The following NRXN1 variants were observed in gnomAD, a reference collection of about 807,000 sequenced individuals.
NRXN1 encodes the protein neurexin 1, also known as neurexin-1.
Under a neutral mutation model 150.9 loss-of-function variants are expected in NRXN1, and 39 were observed. That is an observed-to-expected ratio of 0.26 (90% CI 0.20 to 0.34). The LOEUF is 0.34. Among genes scored for constraint, NRXN1 ranks in the 10% least tolerant of loss-of-function variants. The pLI, the probability that NRXN1 is intolerant of heterozygous loss-of-function variation, is 1.00. For missense variants in NRXN1, 1,815 were observed against 1,949.9 expected (o/e 0.93, Z 1.30); for synonymous variants, 924 against 757.0 (o/e 1.22, Z -3.62).
chr2:50,579,142 C>T (rs1457498576), intron 8 of NRXN1, among the ~76,000 whole-genome samples: 1 of 152,096 alleles, frequency 6.6e-6, no homozygotes, highest in African/African-American at 2.4e-5. Context: ...GTGGGTAGAG[C>T]GAAATGAGGC....
intron 5 of NRXN1, among the ~76,000 whole-genome samples, chr2:50,903,497 G>GT (rs759662827): frequency 6.6e-6 from 1 of 151,984 alleles, no homozygotes; most frequent in African/African-American, 2.4e-5. Flanking sequence ...TGGGGGAGGT[G>GT]TTTTTTTGTT....
intron 5 of NRXN1, among the ~76,000 whole-genome samples, chr2:50,651,517 GACATA>G (rs1311029032): frequency 1.0e-3 from 141 of 134,638 alleles, no homozygotes; most frequent in Middle Eastern, 4.1e-3. Flanking sequence ...GACATAACAT[GACATA>G]ACATAACATA....
chr2:50,863,843 T>C (rs779941667), intron 5 of NRXN1, among the ~76,000 whole-genome samples: 12 of 151,974 alleles, frequency 7.9e-5, no homozygotes, highest in African/African-American at 2.2e-4. Context: ...TTTTGAGACA[T>C]AGGGCCTATG....
chr2:50,542,747 G>A (rs1053166742), intron 9 of NRXN1, among the ~76,000 whole-genome samples: 1 of 152,104 alleles, frequency 6.6e-6, no homozygotes, highest in Non-Finnish European at 1.5e-5. Flanking sequence ...GCCTAAACAT[G>A]TGTCCTGAAA....
intron 17 of NRXN1, among the ~76,000 whole-genome samples, chr2:50,308,868 A>G (rs1470054335): frequency 6.6e-6 from 1 of 152,154 alleles, no homozygotes; most frequent in Non-Finnish European, 1.5e-5. Context: ...TGACCTTTAA[A>G]TGGGTTAATT....
At chr2:50,219,975 AATAT>A (rs1421348207) in intron 18 of NRXN1, among the ~76,000 whole-genome samples, 2 of 25,754 alleles carry the variant, frequency 7.8e-5, no homozygotes, top group Non-Finnish European at 1.4e-4. Flanking sequence ...ATATATATAT[AATAT>A]ATATATTATA....
chr2:50,203,678 T>A (rs757484835), intron 18 of NRXN1, among the ~76,000 whole-genome samples: 24 of 152,190 alleles, frequency 1.6e-4, no homozygotes, highest in Non-Finnish European at 2.9e-4. Flanking sequence ...TAACTCTGTG[T>A]CTCAGCTTTG....
intron 18 of NRXN1, among the ~76,000 whole-genome samples, chr2:50,145,528 A>C (rs778855212): frequency 5.3e-5 from 8 of 151,612 alleles, no homozygotes; most frequent in Non-Finnish European, 7.4e-5. Context: ...TCTTCACGCT[A>C]TCTCCCCCTC....
intron 17 of NRXN1, among the ~76,000 whole-genome samples, chr2:50,327,983 C>A (rs953478864): frequency 1.3e-5 from 2 of 152,022 alleles, no homozygotes; most frequent in Non-Finnish European, 2.9e-5. Flanking sequence ...TATTTTTCTT[C>A]TTTTTCTTAT....
At chr2:50,071,264 G>A (rs1696256334) in intron 19 of NRXN1, among the ~76,000 whole-genome samples, 2 of 152,142 alleles carry the variant, frequency 1.3e-5, no homozygotes, top group South Asian at 4.1e-4. Flanking sequence ...TAAGCAGTTT[G>A]TTGGTAATCG....
chr2:50,418,694 G>C (rs1558697243), intron 17 of NRXN1, among the ~76,000 whole-genome samples: 1 of 151,930 alleles, frequency 6.6e-6, no homozygotes, highest in Non-Finnish European at 1.5e-5. Context: ...CAGGGATCAA[G>C]GGAAATACAA....
chr2:50,595,019 C>G (rs910742148), intron 8 of NRXN1, among the ~76,000 whole-genome samples: 2 of 149,098 alleles, frequency 1.3e-5, no homozygotes, highest in African/African-American at 4.9e-5. Context: ...AAAAAACAAG[C>G]AAAACAATAG....
At chr2:50,655,216 CCT>C (rs1438878618) in intron 5 of NRXN1, among the ~76,000 whole-genome samples, 1 of 151,620 alleles carries the variant, frequency 6.6e-6, no homozygotes, top group Non-Finnish European at 1.5e-5. Context: ...GCTCTATTTC[CCT>C]TTACTTTTCC....
chr2:50,538,539 T>G lies in NRXN1; in HGVS notation c.1857A>C (p.Pro619=). The change falls in exon 10 of 23, where the codon CCA becomes CCC. Residue 619 remains proline, a synonymous_variant. Coordinates refer to ENST00000401669, the MANE Select transcript of NRXN1 (RefSeq NM_001330078.2). ...LDDELYLGGL[P]ENKAGLVFPT... ...GGAAGACAAGGCCAGCTTTATTTTCTGGCAGCCCCCCCAGGTACAACTCAT... is the reference window on the plus strand; with the variant it reads ...GGAAGACAAGGCCAGCTTTATTTTCGGGCAGCCCCCCCAGGTACAACTCAT... 2 of 1,590,470 alleles carry G rather than the reference T, an allele frequency of 1.3e-6. No individual in the cohort carries two copies. Among genetic ancestry groups the G allele is most frequent in the South Asian group, 2.3e-5 (2 of 86,856 alleles).
At chr2:50,630,982 A>C (rs1181569120) in intron 5 of NRXN1, 3 of 373,252 alleles carry the variant, frequency 8.0e-6, no homozygotes, top group Non-Finnish European at 1.1e-5. Flanking sequence ...CTGCTTATTG[A>C]AATTCATATC....
At chr2:50,747,063 T>C (rs966381448) in intron 5 of NRXN1, among the ~76,000 whole-genome samples, 1 of 152,140 alleles carries the variant, frequency 6.6e-6, no homozygotes, top group Non-Finnish European at 1.5e-5. Context: ...GTGCTTTTCT[T>C]GTACTCTCTG....
At chr2:50,093,792 A>T (rs1573872662) in intron 18 of NRXN1, among the ~76,000 whole-genome samples, 1 of 152,196 alleles carries the variant, frequency 6.6e-6, no homozygotes, top group Non-Finnish European at 1.5e-5. Context: ...TTCATTTTAC[A>T]GATGAGAAAA....
intron 2 of NRXN1, among the ~76,000 whole-genome samples, chr2:51,014,564 C>T (rs1200398098): frequency 6.6e-6 from 1 of 151,876 alleles, no homozygotes; most frequent in Non-Finnish European, 1.5e-5. Flanking sequence ...CTTTGAAACA[C>T]AGGAGAGATT....
chr2:50,935,212 G>A (rs796659901), intron 2 of NRXN1, among the ~76,000 whole-genome samples: 1 of 151,880 alleles, frequency 6.6e-6, no homozygotes, highest in South Asian at 2.1e-4. Flanking sequence ...TATAACATGG[G>A]CCTCTTTTTG....
Sources: allele counts gnomAD v4.1 joint callset (sites outside exome capture counted in the v4.1 genomes callset), GRCh38; gene constraint gnomAD v4.1.1; transcripts MANE v1.5; gene names NCBI Gene and HGNC (gene_info 2026-07-23, HGNC 2026-07-21).